Variants in C1orf141 observed in about 807,000 individuals in gnomAD.
The protein encoded by C1orf141 is chromosome 1 open reading frame 141, also known as uncharacterized protein C1orf141.
In C1orf141, 19 loss-of-function variants were observed where a neutral mutation model predicts 23.2. The observed-to-expected ratio is 0.82, with a 90% CI of 0.57 to 1.20. The LOEUF (loss-of-function observed/expected upper bound fraction) is 1.20. Ranked by LOEUF, C1orf141 falls within the 50% of genes most tolerant of loss-of-function variation. C1orf141 has a pLI of 0.00. For missense variants in C1orf141, 469 were observed against 455.1 expected, an observed-to-expected ratio of 1.03 and a Z score of -0.28; for synonymous variants, 153 against 154.6, an observed-to-expected ratio of 0.99 and a Z score of 0.08.
chr1:67,112,162 G>T (rs1220527812), intron 5 of C1orf141, among the ~76,000 whole-genome samples: 1 of 152,134 alleles, frequency 6.6e-6, no homozygotes, highest in Non-Finnish European at 1.5e-5. Flanking sequence ...CCATAGGAAA[G>T]TTACTTAACA....
At chr1:67,120,214 C>T (rs143666803) in intron 4 of C1orf141, among the ~76,000 whole-genome samples, 1 of 152,352 alleles carries the variant, frequency 6.6e-6, no homozygotes, top group East Asian at 1.9e-4. Context: ...GTCTATCCTA[C>T]ACCTATCCCA....
At chr1:67,096,507 C>T (rs897706490) in intron 5 of C1orf141, among the ~76,000 whole-genome samples, 186 bp from the exon 6 acceptor site, 4 of 152,112 alleles carry the variant, frequency 2.6e-5, no homozygotes, top group African/African-American at 2.4e-5. Context: ...AGACTGAGAT[C>T]GAAGCCCTAG....
In C1orf141 at chr1:67,132,693, A is replaced by G. The variant is rs78989590; in HGVS notation, c.-103-1466T>C. ...TAATTTGGAGATGTCTCTGAATATA[A>G]ATTTTTAGGAAGAGTAATCCTAGTT... is the stretch of plus-strand genomic sequence containing the variant. On this transcript the variant is annotated intron_variant, in intron 1 of 7. Transcript: ENST00000684719. Among the ~76,000 whole-genome samples the G allele has an allele frequency of 7.7e-3, 1,173 of 152,316 alleles. 15 individuals are homozygous for G. The highest frequency in any genetic ancestry group is 0.027 in the African/African-American group (1,121 of 41,552).
intron 6 of C1orf141, 65 bp downstream of exon 6, chr1:67,096,187 A>G (rs1645676197): frequency 1.3e-6 from 1 of 783,408 alleles, no homozygotes; most frequent in East Asian, 2.6e-5. Flanking sequence ...TGTCAATTAT[A>G]AAATGTGTCC....
chr1:67,120,220 T>TC (rs1646271307), intron 4 of C1orf141, among the ~76,000 whole-genome samples: 1 of 152,184 alleles, frequency 6.6e-6, no homozygotes, highest in Non-Finnish European at 1.5e-5. Flanking sequence ...CCTACACCTA[T>TC]CCCATCAACG....
At chr1:67,115,289 A>G in intron 5 of C1orf141, 63 bp downstream of exon 5, 1 of 659,436 alleles carries the variant, frequency 1.5e-6, no homozygotes. Context: ...ATCGGTAAAT[A>G]ATAAAATAAA....
chr1:67,102,410 A>G lies in C1orf141; in HGVS notation c.347-6089T>C, dbSNP rs1055893004. Among the ~76,000 whole-genome samples the G allele has an allele frequency of 3.6e-4, 54 of 151,776 alleles. 1 individual carries two copies. The highest frequency in any genetic ancestry group is 1.0e-4 in the Non-Finnish European group (7 of 67,932). ...AAGTTGGAAAAAGTGATCTAAGCCA[A>G]TGATGATTTATTGGTTTAGATGTGG... On this transcript the variant is annotated intron_variant, in intron 5 of 7. Transcript: ENST00000684719.
chr1:67,114,285 A>T (rs1271781789), intron 5 of C1orf141, among the ~76,000 whole-genome samples: 1 of 46,536 alleles, frequency 2.1e-5, no homozygotes, highest in Non-Finnish European at 4.2e-5. Flanking sequence ...CCTGGCATAA[A>T]CAATAAAAAA....
chr1:67,115,893 A>C (rs7529446), intron 4 of C1orf141, among the ~76,000 whole-genome samples: 135,650 of 152,210 alleles, frequency 0.89, 60,683 homozygotes, highest in East Asian at 0.97. Flanking sequence ...CCTCTAAATT[A>C]CTTAACTGGC....
chr1:67,104,339 G>T (rs1645873270), intron 5 of C1orf141, among the ~76,000 whole-genome samples: 1 of 152,076 alleles, frequency 6.6e-6, no homozygotes, highest in Non-Finnish European at 1.5e-5. Flanking sequence ...AAGACAGGCA[G>T]AAAAATAGCA....
chr1:67,119,607 G>C (rs565856207), intron 4 of C1orf141, among the ~76,000 whole-genome samples: 2 of 152,330 alleles, frequency 1.3e-5, no homozygotes, highest in African/African-American at 4.8e-5. Flanking sequence ...TTGACTGTTT[G>C]ATAGGTAGGT....
chr1:67,119,951 G>A (rs941461241), intron 4 of C1orf141, among the ~76,000 whole-genome samples: 1 of 152,194 alleles, frequency 6.6e-6, no homozygotes. Context: ...CTATTTCAAA[G>A]GGTAAGACCC....
chr1:67,093,104 T>G lies in C1orf141; in HGVS notation c.1104A>C (p.Lys368Asn). 6.2e-7 allele frequency: 1 copy of G among 1,613,666 alleles called. No individual in the cohort carries two copies. Among genetic ancestry groups the G allele is most frequent in the Admixed American group, 1.7e-5 (1 of 60,016 alleles). The change falls in exon 8 of 8, where the codon AAA becomes AAC. Residue 368 changes from lysine (K) to asparagine (N), a missense_variant. By Grantham distance (94) the Lys-to-Asn change is moderately conservative (BLOSUM62 0). This residue lies in a region of C1orf141 where 370 missense variants were observed against 348.1 expected (regional missense o/e 1.06). Coordinates refer to ENST00000684719, the MANE Select transcript of C1orf141 (RefSeq NM_001276351.2). ...TATATTTAAAAGGCTTTGAGTAACATTTGACAGGTAAGGCACTGGATGTGG... is the reference window on the plus strand; with the variant it reads ...TATATTTAAAAGGCTTTGAGTAACAGTTGACAGGTAAGGCACTGGATGTGG... ...SIPTSSALPV[K>N]CYSKPFKYIY...
chr1:67,096,641 G>T (rs1645687675), intron 5 of C1orf141, among the ~76,000 whole-genome samples: 2 of 152,202 alleles, frequency 1.3e-5, no homozygotes, highest in Admixed American at 1.3e-4. Context: ...GGAAGCTTCA[G>T]ACGGTTATCA....
intron 2 of C1orf141, among the ~76,000 whole-genome samples, chr1:67,127,533 T>G (rs1646438454): frequency 2.0e-5 from 3 of 152,192 alleles, no homozygotes; most frequent in Admixed American, 2.0e-4. Context: ...GAGAACCATA[T>G]GTGACTTATA....
chr1:67,092,928 G>A lies in C1orf141; in HGVS notation c.*77C>T. The A allele has an allele frequency of 8.8e-7, 1 of 1,134,002 alleles. No homozygotes were observed. The allele number at this position is 1,134,002 out of a possible 1,614,324, so 70.2% of individuals were successfully genotyped here. ...TGATCAATTAGAACATTACTATTTG[G>A]ATAAGAATTTCTTTTATAATTTTGG... On this transcript the variant is annotated 3_prime_UTR_variant, in exon 8 of 8. Transcript: ENST00000684719.
chr1:67,099,265 G>C (rs1243919047), intron 5 of C1orf141, among the ~76,000 whole-genome samples: 1 of 152,140 alleles, frequency 6.6e-6, no homozygotes, highest in Non-Finnish European at 1.5e-5. Flanking sequence ...ACCATGAACA[G>C]AATTCTAATC....
chr1:67,115,901 G>C (rs1008678489), intron 4 of C1orf141, among the ~76,000 whole-genome samples: 1 of 152,120 alleles, frequency 6.6e-6, no homozygotes, highest in Non-Finnish European at 1.5e-5. Context: ...TTACTTAACT[G>C]GCTAGTGATG....
chr1:67,119,833 C>T (rs1294056896), intron 4 of C1orf141, among the ~76,000 whole-genome samples: 1 of 152,240 alleles, frequency 6.6e-6, no homozygotes, highest in East Asian at 1.9e-4. Context: ...CACTATTTTT[C>T]AAGACAAGGG....
Sources: gnomAD v4.1 joint callset for allele counts (sites outside exome capture counted in the v4.1 genomes callset) on GRCh38, gnomAD v4.1.1 for gene constraint, gnomAD v4.1.1 regional missense constraint, MANE v1.5 for transcripts, NCBI Gene and HGNC (gene_info 2026-07-23, HGNC 2026-07-21) for gene names.